Variants in HS3ST4 observed in about 807,000 individuals in gnomAD.
HS3ST4 encodes heparan sulfate-glucosamine 3-sulfotransferase 4.
In HS3ST4, 17 loss-of-function variants were observed where a neutral mutation model predicts 29.2. That is an observed-to-expected ratio of 0.58 (90% confidence interval 0.40 to 0.87). HS3ST4 has a LOEUF of 0.87. Ranked by LOEUF, HS3ST4 falls within the 40% of genes least tolerant of loss-of-function variation. The probability of loss-of-function intolerance (pLI) is 0.00; values close to 1 mark genes in which losing one functional copy is unlikely to be tolerated. For synonymous variants in HS3ST4, 314 were observed against 285.7 expected, an observed-to-expected ratio of 1.10 and a Z score of -1.00; for missense variants, 627 against 634.5, an observed-to-expected ratio of 0.99 and a Z score of 0.13.
rs78117712 is a variant in HS3ST4 at position 25,758,415 on chromosome 16, G to A, written c.734+65264G>A. ...TAACCCATTGTCAGGACTGTTGAGC[G>A]TACCCCAGCTTGCTGTCTCTTATGT... is the stretch of plus-strand genomic sequence containing the variant. On this transcript the variant is annotated intron_variant, in intron 1 of 1. Coordinates refer to ENST00000331351, the MANE Select transcript of HS3ST4 (RefSeq NM_006040.3). Among the ~76,000 whole-genome samples the A allele has an allele frequency of 2.3e-3, 349 of 152,224 alleles. 2 individuals carry two copies. The highest frequency in any genetic ancestry group is 7.9e-3 in the African/African-American group (327 of 41,534).
In HS3ST4 at chr16:26,119,828, G is replaced by A. The variant is rs1432762409; in HGVS notation, c.735-15784G>A. Among the ~76,000 whole-genome samples, 7 of 152,254 alleles carry A rather than the reference G, an allele frequency of 4.6e-5. No homozygotes were observed. The East Asian group carries it at 1.3e-3, about 29-fold the overall frequency. ...TGCAAAATCATCTCCCTTCTTAGGAGCTTGCATTCTTTAGGAGACAGGTGG... is the reference window on the plus strand; with the variant it reads ...TGCAAAATCATCTCCCTTCTTAGGAACTTGCATTCTTTAGGAGACAGGTGG... On this transcript the variant is annotated intron_variant, in intron 1 of 1. Coordinates refer to ENST00000331351, the MANE Select transcript of HS3ST4 (RefSeq NM_006040.3).
At chr16:25,745,597 A>G (rs1284475504) in intron 1 of HS3ST4, among the ~76,000 whole-genome samples, 2 of 152,156 alleles carry the variant, frequency 1.3e-5, no homozygotes, top group East Asian at 3.9e-4. Context: ...ATGAATGCAC[A>G]CAGTCATGTA....
intron 1 of HS3ST4, among the ~76,000 whole-genome samples, chr16:25,998,598 T>C (rs770191116): frequency 9.9e-5 from 15 of 152,222 alleles, no homozygotes; most frequent in Non-Finnish European, 2.2e-4. Flanking sequence ...TTTATTTCTT[T>C]TTTCACTTTT....
intron 1 of HS3ST4, among the ~76,000 whole-genome samples, chr16:25,887,445 C>T (rs1267482943): frequency 6.6e-6 from 1 of 152,134 alleles, no homozygotes; most frequent in Non-Finnish European, 1.5e-5. Context: ...AACCCCCACC[C>T]TCTTAGTCAA....
chr16:26,042,310 C>T (rs1455539036), intron 1 of HS3ST4, among the ~76,000 whole-genome samples: 1 of 152,032 alleles, frequency 6.6e-6, no homozygotes, highest in Non-Finnish European at 1.5e-5. Flanking sequence ...AAGAAAGTGG[C>T]TGTTTAACCA....
intron 1 of HS3ST4, among the ~76,000 whole-genome samples, chr16:25,781,744 A>G (rs978435006): frequency 2.0e-5 from 3 of 152,154 alleles, no homozygotes; most frequent in Non-Finnish European, 4.4e-5. Context: ...CTACTGCCCA[A>G]CTGAAAGTTT....
intron 1 of HS3ST4, among the ~76,000 whole-genome samples, chr16:25,790,184 G>A (rs1966865637): frequency 0.023 from 2 of 88 alleles, no homozygotes; most frequent in South Asian, 0.5. Flanking sequence ...AAGGTGAGCA[G>A]GTGATCACCT....
At chr16:25,937,946 T>C (rs191074972) in intron 1 of HS3ST4, among the ~76,000 whole-genome samples, 4 of 152,258 alleles carry the variant, frequency 2.6e-5, no homozygotes, top group Admixed American at 6.5e-5. Flanking sequence ...ATGGGTGGTG[T>C]GCTGACCACA....
chr16:25,899,298 A>G (rs1381425894), intron 1 of HS3ST4, among the ~76,000 whole-genome samples: 1 of 152,224 alleles, frequency 6.6e-6, no homozygotes, highest in African/African-American at 2.4e-5. Flanking sequence ...GGTGCTGTAT[A>G]CTGAAGGTTT....
At chr16:26,014,736 G>T (rs578101028) in intron 1 of HS3ST4, among the ~76,000 whole-genome samples, 1 of 152,128 alleles carries the variant, frequency 6.6e-6, no homozygotes, top group Non-Finnish European at 1.5e-5. Flanking sequence ...TCTTTATCCA[G>T]TCCATCACTG....
chr16:25,814,749 C>T lies in HS3ST4; in HGVS notation c.734+121598C>T, dbSNP rs572679207. ...GAATGCAACAGCTCCGCATTAACCACCATGGTACCCCATCTTTTCCACAGC... is the reference window on the plus strand; with the variant it reads ...GAATGCAACAGCTCCGCATTAACCATCATGGTACCCCATCTTTTCCACAGC... On this transcript the variant is annotated intron_variant, in intron 1 of 1. Transcript: ENST00000331351. Among the ~76,000 whole-genome samples, 5 of 152,324 alleles carry T rather than the reference C, an allele frequency of 3.3e-5. No homozygotes were observed. In the South Asian group the frequency reaches 6.2e-4, roughly 19 times the overall value.
At chr16:25,785,755 C>T (rs754983215) in intron 1 of HS3ST4, among the ~76,000 whole-genome samples, 8 of 152,088 alleles carry the variant, frequency 5.3e-5, no homozygotes, top group Non-Finnish European at 1.0e-4. Flanking sequence ...TTACAGCTTC[C>T]GGTAACCCAA....
intron 1 of HS3ST4, among the ~76,000 whole-genome samples, chr16:26,112,406 G>A (rs1161240474): frequency 1.7e-5 from 2 of 117,742 alleles, no homozygotes; most frequent in Admixed American, 1.9e-4. Flanking sequence ...TTTTTGAGAC[G>A]GAATCTAGCT....
intron 1 of HS3ST4, among the ~76,000 whole-genome samples, chr16:25,984,537 G>C (rs936107363): frequency 1.6e-4 from 24 of 152,162 alleles, no homozygotes; most frequent in African/African-American, 4.3e-4. Context: ...TGGCACCCCT[G>C]CTTTAAGAAA....
At chr16:26,127,478 C>G (rs1596691381) in intron 1 of HS3ST4, among the ~76,000 whole-genome samples, 1 of 152,202 alleles carries the variant, frequency 6.6e-6, no homozygotes, top group East Asian at 1.9e-4. Flanking sequence ...CTGTTGTTAC[C>G]AGGGATTCTT....
intron 1 of HS3ST4, among the ~76,000 whole-genome samples, chr16:25,810,273 T>C (rs1258871531): frequency 6.6e-6 from 1 of 152,188 alleles, no homozygotes; most frequent in Non-Finnish European, 1.5e-5. Context: ...TTTCTTCTGT[T>C]GTCTTTCTGC....
intron 1 of HS3ST4, among the ~76,000 whole-genome samples, chr16:25,716,478 G>A (rs1966455146): frequency 6.6e-6 from 1 of 152,182 alleles, no homozygotes; most frequent in African/African-American, 2.4e-5. Flanking sequence ...GTTGAAGCTT[G>A]AACAGTCATT....
At chr16:25,893,405 A>T (rs532586487) in intron 1 of HS3ST4, among the ~76,000 whole-genome samples, 7 of 152,224 alleles carry the variant, frequency 4.6e-5, no homozygotes, top group Non-Finnish European at 8.8e-5. Context: ...CTGTGGACAA[A>T]GTCCCAGGAA....
chr16:25,717,272 C>T (rs1336853670), intron 1 of HS3ST4, among the ~76,000 whole-genome samples: 2 of 152,062 alleles, frequency 1.3e-5, no homozygotes, highest in African/African-American at 2.4e-5. Flanking sequence ...GATTCTTGTT[C>T]TTGTGGCATT....
Sources: allele counts gnomAD v4.1 joint callset (sites outside exome capture counted in the v4.1 genomes callset), GRCh38; gene constraint gnomAD v4.1.1; transcripts MANE v1.5; gene names NCBI Gene and HGNC (gene_info 2026-07-23, HGNC 2026-07-21).